Variants in PTPRD observed in about 807,000 individuals in gnomAD.
The protein encoded by PTPRD is protein tyrosine phosphatase receptor type D.
A neutral mutation model predicts 214.5 loss-of-function variants in PTPRD; 34 were observed. That is an observed-to-expected ratio of 0.16 (90% CI 0.12 to 0.21). The LOEUF (loss-of-function observed/expected upper bound fraction) is 0.21. Ranked by LOEUF, PTPRD falls within the 10% of genes least tolerant of loss-of-function variation. The pLI is 1.00. For synonymous variants in PTPRD, 1,128 were observed against 845.7 expected (o/e 1.33, Z -5.79); for missense variants, 2,545 against 2,398.7 (o/e 1.06, Z -1.27).
chr9:9,781,493 G>C (rs754037671), intron 5 of PTPRD, among the ~76,000 whole-genome samples: 14 of 152,152 alleles, frequency 9.2e-5, no homozygotes, highest in Non-Finnish European at 1.3e-4. Context: ...AAATCAGTAA[G>C]ATCTAATTGA....
intron 2 of PTPRD, among the ~76,000 whole-genome samples, chr9:10,557,941 C>T (rs2062990794): frequency 6.6e-6 from 1 of 152,140 alleles, no homozygotes; most frequent in African/African-American, 2.4e-5. Flanking sequence ...ATTTGCACAG[C>T]ATTCTGCACA....
chr9:8,874,949 G>C (rs2098366646), intron 11 of PTPRD, among the ~76,000 whole-genome samples: 1 of 152,180 alleles, frequency 6.6e-6, no homozygotes, highest in Admixed American at 6.5e-5. Flanking sequence ...GGTGGATGCA[G>C]AGGAGATTCA....
At chr9:10,287,661 C>T (rs73644406) in intron 3 of PTPRD, among the ~76,000 whole-genome samples, 1,836 of 152,166 alleles carry the variant, frequency 0.012, 40 homozygotes, top group African/African-American at 0.042. Flanking sequence ...CTCTCTTCTA[C>T]TGGGCAGGAT....
intron 4 of PTPRD, among the ~76,000 whole-genome samples, chr9:9,944,320 G>C (rs2092201369): frequency 6.6e-6 from 1 of 152,088 alleles, no homozygotes; most frequent in Non-Finnish European, 1.5e-5. Context: ...GTGTGCAGCT[G>C]ACAACTCGAT....
At chr9:9,729,106 T>C (rs941858298) in intron 7 of PTPRD, among the ~76,000 whole-genome samples, 6 of 152,154 alleles carry the variant, frequency 3.9e-5, no homozygotes, top group South Asian at 2.1e-4. Flanking sequence ...ATAGCTCCCA[T>C]TTCCGTTTGA....
intron 8 of PTPRD, among the ~76,000 whole-genome samples, chr9:9,444,314 C>T (rs1404740531): frequency 1.3e-5 from 2 of 152,020 alleles, no homozygotes; most frequent in African/African-American, 4.8e-5. Context: ...TAAAATGAGT[C>T]CGATAAATAT....
intron 11 of PTPRD, among the ~76,000 whole-genome samples, chr9:8,844,849 T>C (rs1365798554): frequency 6.6e-6 from 1 of 152,200 alleles, no homozygotes; most frequent in East Asian, 1.9e-4. Context: ...GTTGGTGTTA[T>C]TATTTAATGA....
chr9:8,754,725 A>C (rs1429883114), intron 11 of PTPRD, among the ~76,000 whole-genome samples: 1 of 103,570 alleles, frequency 9.7e-6, no homozygotes, highest in African/African-American at 2.5e-5. Flanking sequence ...AGATTGATAA[A>C]TTTCAATTAA....
intron 2 of PTPRD, among the ~76,000 whole-genome samples, chr9:10,528,445 C>A (rs2055023374): frequency 6.6e-6 from 1 of 152,084 alleles, no homozygotes; most frequent in Admixed American, 6.6e-5. Flanking sequence ...AATGTGGAGA[C>A]CACCTTCATT....
At chr9:9,898,384 CTTGA>C (rs997137663) in intron 5 of PTPRD, among the ~76,000 whole-genome samples, 2 of 151,960 alleles carry the variant, frequency 1.3e-5, no homozygotes, top group East Asian at 1.9e-4. Flanking sequence ...CTTGATATTA[CTTGA>C]TTATCAATAA....
At chr9:9,823,856 G>C (rs1056576200) in intron 5 of PTPRD, among the ~76,000 whole-genome samples, 1 of 151,978 alleles carries the variant, frequency 6.6e-6, no homozygotes, top group African/African-American at 2.4e-5. Context: ...AAAATAATTA[G>C]AGGAGCAAAT....
At chr9:8,739,788 T>A (rs2091446014) in intron 11 of PTPRD, among the ~76,000 whole-genome samples, 1 of 152,152 alleles carries the variant, frequency 6.6e-6, no homozygotes. Flanking sequence ...CAGTGGGAGA[T>A]AACTGAATTA....
intron 5 of PTPRD, among the ~76,000 whole-genome samples, chr9:9,915,063 C>T (rs1601948515): frequency 6.6e-6 from 1 of 152,220 alleles, no homozygotes; most frequent in African/African-American, 2.4e-5. Flanking sequence ...CAAAGCCTCG[C>T]CATTATCACC....
At chr9:10,146,226 T>TCCAC in intron 3 of PTPRD, among the ~76,000 whole-genome samples, 1 of 151,186 alleles carries the variant, frequency 6.6e-6, no homozygotes, top group African/African-American at 2.4e-5. Context: ...ATTCTATCCA[T>TCCAC]CCATCCATCC....
rs551773301 is a variant in PTPRD at position 9,650,276 on chromosome 9, C to T, written c.-286-75495G>A. 1.0e-3 allele frequency among the ~76,000 whole-genome samples: 157 copies of T among 152,256 alleles called. 1 individual carries two copies. Among genetic ancestry groups the T allele is most frequent in the South Asian group, 9.3e-3 (45 of 4,828 alleles). On this transcript the variant is annotated intron_variant, in intron 7 of 45. Coordinates refer to ENST00000381196, the MANE Select transcript of PTPRD (RefSeq NM_002839.4). ...TGAGGCCTCCCCAGCCATGCAGAAC[C>T]GTGAGACAATTAAACTTATTTTCTT...
chr9:9,118,009 G>C (rs891944282), intron 10 of PTPRD, among the ~76,000 whole-genome samples: 10 of 152,072 alleles, frequency 6.6e-5, no homozygotes, highest in African/African-American at 2.2e-4. Flanking sequence ...TCTTAGACAG[G>C]GACATGCAAG....
intron 9 of PTPRD, among the ~76,000 whole-genome samples, chr9:9,255,061 C>G (rs947677511): frequency 6.6e-6 from 1 of 151,980 alleles, no homozygotes; most frequent in African/African-American, 2.4e-5. Flanking sequence ...GTTCAGCTAA[C>G]GAATGCAACT....
At chr9:10,394,157 TAG>T (rs1565754517) in intron 2 of PTPRD, among the ~76,000 whole-genome samples, 257 of 144,782 alleles carry the variant, frequency 1.8e-3, no homozygotes, top group African/African-American at 6.1e-3. Flanking sequence ...TCTATATATA[TAG>T]ATATATATAC....
intron 11 of PTPRD, among the ~76,000 whole-genome samples, chr9:8,969,700 A>G (rs2099224405): frequency 6.6e-6 from 1 of 151,934 alleles, no homozygotes; most frequent in Admixed American, 6.6e-5. Flanking sequence ...AAATAAATGG[A>G]TGGATCGATG....
Sources: allele counts gnomAD v4.1 joint callset (sites outside exome capture counted in the v4.1 genomes callset), GRCh38; gene constraint gnomAD v4.1.1; transcripts MANE v1.5; gene names NCBI Gene and HGNC (gene_info 2026-07-23, HGNC 2026-07-21).